SCN10A: variants seen among roughly 807,000 people sequenced by gnomAD.
SCN10A encodes the protein sodium channel protein type 10 subunit alpha.
Under a neutral mutation model 170.7 loss-of-function variants are expected in SCN10A, and 162 were observed. That is an observed-to-expected ratio of 0.95 (90% CI 0.84 to 1.08). The LOEUF is 1.08. SCN10A is among the 50% of genes least tolerant of loss of function. The pLI, the probability that SCN10A is intolerant of heterozygous loss-of-function variation, is 0.00. For missense variants in SCN10A, 2,527 were observed against 2,436.9 expected (o/e 1.04, Z -0.78); for synonymous variants, 985 against 904.6 (o/e 1.09, Z -1.59).
intron 13 of SCN10A, among the ~76,000 whole-genome samples, chr3:38,749,262 C>T (rs1448655689): frequency 1.3e-5 from 2 of 152,202 alleles, no homozygotes; most frequent in African/African-American, 4.8e-5. Context: ...AGGGGCACAC[C>T]AGCACTCAAG....
intron 1 of SCN10A, among the ~76,000 whole-genome samples, chr3:38,801,320 C>T (rs2064369267): frequency 6.6e-6 from 1 of 152,150 alleles, no homozygotes; most frequent in African/African-American, 2.4e-5. Context: ...AGTGCTTCTG[C>T]ATAATTATCC....
chr3:38,733,397 A>T (rs2063529833), intron 15 of SCN10A, among the ~76,000 whole-genome samples: 1 of 152,216 alleles, frequency 6.6e-6, no homozygotes, highest in Non-Finnish European at 1.5e-5. Flanking sequence ...GATTGTCTGT[A>T]TAATAGGTAG....
At chr3:38,722,220 C>T (rs181688711) in intron 20 of SCN10A, 38 bp downstream of exon 20, 12 of 1,594,292 alleles carry the variant, frequency 7.5e-6, no homozygotes, top group Non-Finnish European at 1.0e-5. Context: ...AGATTCCTAT[C>T]TGGAGGATTT....
rs1163173279 is a variant in SCN10A, at chr3:38,756,673, C to A, written c.1290+1G>T. On this transcript the variant is annotated splice_donor_variant, in intron 10 of 27. Transcript: ENST00000449082. LOFTEE classifies it high-confidence loss of function. ...TCACAAAGCTTCCACTCCTCACAAA[C>A]CTCCTGCTCCTTCCGGAGCATCTCG... 3 of 1,612,752 alleles carry A rather than the reference C, an allele frequency of 1.9e-6. No individual in the cohort carries two copies. The highest frequency in any genetic ancestry group is 2.2e-5 in the South Asian group (2 of 91,056).
chr3:38,746,085 A>G lies in SCN10A; in HGVS notation c.1868-3556T>C, dbSNP rs1441518606. Reference sequence around the variant, plus strand: ...TGTGTATATATATATATATATATATATATATATATATATATGCCATCTTTG... The same window carrying G: ...TGTGTATATATATATATATATATATGTATATATATATATATGCCATCTTTG... On this transcript the variant is annotated intron_variant, in intron 13 of 27. Transcript: ENST00000449082. Among the ~76,000 whole-genome samples, 665 of 111,566 alleles carry G rather than the reference A, an allele frequency of 6.0e-3. 50 individuals are homozygous for G. The highest frequency in any genetic ancestry group is 8.6e-3 in the Admixed American group (94 of 10,906). The allele number at this position is 111,566 out of a possible 152,430, so 73.2% of individuals were successfully genotyped here.
In SCN10A at chr3:38,698,580, A is replaced by T. The variant is rs781015534; in HGVS notation, c.4658-18T>A. On this transcript the variant is annotated intron_variant, in intron 27 of 27. Coordinates refer to ENST00000449082, the MANE Select transcript of SCN10A (RefSeq NM_006514.4). ...AATCAGGCCTTTAAAAGAAGGAAGA[A>T]ATTATCTAATTAGTATCTCCAGCCA... 1.4e-5 allele frequency: 22 copies of T among 1,602,684 alleles called. No individual in the cohort carries two copies. The Admixed American group carries it at 3.7e-4, about 27-fold the overall frequency.
intron 5 of SCN10A, among the ~76,000 whole-genome samples, chr3:38,771,006 T>C (rs747429212): frequency 1.3e-5 from 2 of 152,240 alleles, no homozygotes; most frequent in African/African-American, 2.4e-5. Context: ...TTGGGATGTA[T>C]GTTTGGAGGC....
In SCN10A at chr3:38,755,842, GC is replaced by G; in HGVS notation, c.1406del (p.Gly469AlafsTer22). On this transcript the variant is annotated frameshift_variant, in exon 11 of 28. Transcript: ENST00000449082. LOFTEE classifies it high-confidence loss of function. Reference protein sequence around the residue: ...RHRIKPRVSEGSTEDNKSPRS... With the variant: ...RHRIKPRVSEXSTEDNKSPRS... ...GGGGTGATTTGTTGTCTTCTGTGGA[GC>G]CCTCTGACACTCTTGGCTTTATTCT... 6.2e-7 allele frequency: 1 copy of G among 1,614,136 alleles called. No individual in the cohort carries two copies. Among genetic ancestry groups the G allele is most frequent in the Non-Finnish European group, 8.5e-7 (1 of 1,180,024 alleles).
At chr3:38,780,486 G>C (rs570409419) in intron 4 of SCN10A, among the ~76,000 whole-genome samples, 2 of 152,050 alleles carry the variant, frequency 1.3e-5, no homozygotes, top group East Asian at 1.9e-4. Context: ...CTTAGTCTTA[G>C]CTTGTTTATA....
At chr3:38,785,297 G>C (rs2064185738) in intron 4 of SCN10A, among the ~76,000 whole-genome samples, 1 of 152,102 alleles carries the variant, frequency 6.6e-6, no homozygotes, top group Non-Finnish European at 1.5e-5. Context: ...TAGACCAATG[G>C]AACAGAACAG....
chr3:38,812,311 T>C (rs1231281224), intron 1 of SCN10A, among the ~76,000 whole-genome samples: 1 of 152,190 alleles, frequency 6.6e-6, no homozygotes, highest in Non-Finnish European at 1.5e-5. Flanking sequence ...GAGAAGCCAC[T>C]AAAGCCTTGA....
Position 38,727,025 on chromosome 3 carries a change from A to C in SCN10A, c.2668T>G (p.Leu890Val). 6.2e-7 allele frequency: 1 copy of C among 1,612,730 alleles called. No individual in the cohort carries two copies. The highest frequency in any genetic ancestry group is 1.1e-5 in the South Asian group (1 of 91,058). Reference sequence around the variant, plus strand: ...AGGTTGTCAGCACTGAAAGAGTTCAATAGCAGGGCGATGAACAGGTTAAGC... The same window carrying C: ...AGGTTGTCAGCACTGAAAGAGTTCACTAGCAGGGCGATGAACAGGTTAAGC... The part of the protein sequence containing the change: ...VVLNLFIALL[L>V]NSFSADNLTA... Residue 890 changes from leucine to valine, a missense_variant, in exon 17 of 28, where the codon TTG (leucine) becomes GTG (valine). Coordinates refer to ENST00000449082, the MANE Select transcript of SCN10A (RefSeq NM_006514.4).
At chr3:38,739,282 C>T (rs1330289848) in intron 15 of SCN10A, among the ~76,000 whole-genome samples, 3 of 152,196 alleles carry the variant, frequency 2.0e-5, no homozygotes, top group African/African-American at 7.2e-5. Flanking sequence ...GAAGTCCCCT[C>T]TTGGTGCAGA....
At chr3:38,737,102 C>G (rs2063573199) in intron 15 of SCN10A, among the ~76,000 whole-genome samples, 1 of 149,036 alleles carries the variant, frequency 6.7e-6, no homozygotes, top group Non-Finnish European at 1.5e-5. Flanking sequence ...TCCCGAGTAG[C>G]TGGGACTACA....
intron 14 of SCN10A, among the ~76,000 whole-genome samples, chr3:38,741,473 T>C (rs1337770852): frequency 6.6e-6 from 1 of 152,184 alleles, no homozygotes; most frequent in African/African-American, 2.4e-5. Flanking sequence ...TTTTTCCATC[T>C]GGGAAAGGGA....
intron 5 of SCN10A, among the ~76,000 whole-genome samples, chr3:38,765,613 A>G (rs2063923751): frequency 6.6e-6 from 1 of 151,798 alleles, no homozygotes; most frequent in African/African-American, 2.4e-5. Flanking sequence ...GGTACAGGCT[A>G]TACTATAGCC....
chr3:38,775,446 T>C (rs1490401715), intron 4 of SCN10A, among the ~76,000 whole-genome samples: 1 of 152,222 alleles, frequency 6.6e-6, no homozygotes, highest in Non-Finnish European at 1.5e-5. Context: ...ATTGTTTACA[T>C]ATATACTACA....
intron 1 of SCN10A, among the ~76,000 whole-genome samples, chr3:38,809,741 A>G (rs993356103): frequency 6.6e-6 from 1 of 152,196 alleles, no homozygotes; most frequent in Non-Finnish European, 1.5e-5. Flanking sequence ...TCTTGACAAG[A>G]AGCCGTGTTC....
intron 8 of SCN10A, 69 bp from the exon 9 acceptor site, chr3:38,757,228 C>T (rs2063819151): frequency 6.8e-7 from 1 of 1,468,226 alleles, no homozygotes; most frequent in East Asian, 2.3e-5. Context: ...TGCGAGACAA[C>T]CACAGAGTTT....
Sources: allele counts gnomAD v4.1 joint callset (sites outside exome capture counted in the v4.1 genomes callset), GRCh38; gene constraint gnomAD v4.1.1; transcripts MANE v1.5; gene names NCBI Gene and HGNC (gene_info 2026-07-23, HGNC 2026-07-21).